WAC: variants seen among roughly 807,000 people sequenced by gnomAD.
The protein encoded by WAC is WW domain-containing adapter protein with coiled-coil.
A neutral mutation model predicts 79.6 loss-of-function variants in WAC; 11 were observed. That is an observed-to-expected ratio of 0.14 (90% confidence interval 0.09 to 0.23). The LOEUF is 0.23. WAC is among the 10% of genes least tolerant of loss of function. WAC has a pLI of 1.00. For synonymous variants in WAC, 304 were observed against 276.9 expected (o/e 1.10, Z -0.97); for missense variants, 728 against 773.5 (o/e 0.94, Z 0.70).
chr10:28,579,540 T>A (rs145495652), intron 3 of WAC, among the ~76,000 whole-genome samples: 1 of 152,266 alleles, frequency 6.6e-6, no homozygotes, highest in Non-Finnish European at 1.5e-5. Flanking sequence ...ATAAAAGAAA[T>A]CTAAAACTTG....
intron 11 of WAC, 131 bp from the exon 12 acceptor site, chr10:28,616,042 T>C: frequency 1.4e-6 from 1 of 730,598 alleles, no homozygotes; most frequent in Non-Finnish European, 2.1e-6. Flanking sequence ...TTATTTGACA[T>C]TAAAATAACA....
At chr10:28,603,766 C>T (rs987846177) in intron 7 of WAC, among the ~76,000 whole-genome samples, 2 of 151,050 alleles carry the variant, frequency 1.3e-5, no homozygotes, top group Non-Finnish European at 2.9e-5. Flanking sequence ...AACCCCATCT[C>T]TACTAAAAAT....
chr10:28,589,613 C>T, intron 4 of WAC, 123 bp from the exon 5 acceptor site: 4 of 531,806 alleles, frequency 7.5e-6, no homozygotes, highest in Non-Finnish European at 1.3e-5. Flanking sequence ...CAGATAATTG[C>T]ATTCTAGTTC....
chr10:28,617,980 A>G, intron 13 of WAC, 196 bp downstream of exon 13: 2 of 495,242 alleles, frequency 4.0e-6, no homozygotes, highest in Non-Finnish European at 3.2e-6. Context: ...TTAACCCATG[A>G]TGAATGCTTC....
intron 3 of WAC, among the ~76,000 whole-genome samples, chr10:28,560,234 G>T (rs1409122571): frequency 6.6e-6 from 1 of 152,092 alleles, no homozygotes; most frequent in East Asian, 1.9e-4. Context: ...GGCACCTGTA[G>T]TACCAGCTGC....
At position 28,586,679 on chromosome 10, in the gene WAC, C is replaced by A. The variant is rs1839835430; in HGVS notation, c.382-3057C>A. 2.0e-5 allele frequency among the ~76,000 whole-genome samples: 3 copies of A among 151,670 alleles called. No homozygotes were observed. The South Asian group carries it at 6.2e-4, about 32-fold the overall frequency. On this transcript the variant is annotated intron_variant, in intron 4 of 13. Transcript: ENST00000354911. ...CCTCCAGCCTGGCCGACAGCAAGAC[C>A]CTGTTTCAAAAATAATAATAATAAA...
chr10:28,533,661 G>A (rs1205988419), intron 1 of WAC, 41 bp downstream of exon 1: 10 of 1,538,312 alleles, frequency 6.5e-6, no homozygotes, highest in African/African-American at 4.2e-5. Flanking sequence ...GCGGCGGGGG[G>A]CGGCGGCGGG....
At chr10:28,543,226 A>G (rs1225416266) in intron 3 of WAC, among the ~76,000 whole-genome samples, 1 of 152,226 alleles carries the variant, frequency 6.6e-6, no homozygotes. Context: ...CTATAGCAGC[A>G]CCGTCCAGTG....
At chr10:28,585,041 C>T (rs976106699) in intron 4 of WAC, among the ~76,000 whole-genome samples, 5 of 152,170 alleles carry the variant, frequency 3.3e-5, no homozygotes, top group Non-Finnish European at 7.4e-5. Flanking sequence ...GCATTCCAGC[C>T]TGGGTGACAG....
chr10:28,619,960 TAAAA>T lies in WAC; in HGVS notation c.*370_*373del, dbSNP rs35294532. On this transcript the variant is annotated 3_prime_UTR_variant, in exon 14 of 14. Coordinates refer to ENST00000354911, the MANE Select transcript of WAC (RefSeq NM_016628.5). ...AACCTGTCTGCAAAATTAGCTTTTT[TAAAA>T]AAAAAAAAAAAAAAATTGGGGGGGT... The T allele has an allele frequency of 3.5e-5, 5 of 142,108 alleles. No homozygotes were observed. Among genetic ancestry groups the T allele is most frequent in the Non-Finnish European group, 6.1e-5 (4 of 65,126 alleles). 8.8% of individuals were successfully genotyped at this position (142,108 alleles called of 1,614,324 possible). A position where few individuals can be genotyped will look rare whatever the true frequency, so the allele number is the denominator to read the frequency against.
At chr10:28,562,631 A>G (rs1838363675) in intron 3 of WAC, among the ~76,000 whole-genome samples, 1 of 152,228 alleles carries the variant, frequency 6.6e-6, no homozygotes, top group African/African-American at 2.4e-5. Context: ...GAGATAAGAA[A>G]GGTAGTAAAC....
chr10:28,549,025 A>G (rs532626498), intron 3 of WAC, among the ~76,000 whole-genome samples: 19 of 152,250 alleles, frequency 1.2e-4, no homozygotes, highest in South Asian at 1.2e-3. Flanking sequence ...CAACCTCCCA[A>G]GTAGTTGAGC....
chr10:28,534,067 AGGGGCCGGAG>A, intron 2 of WAC, 33 bp downstream of exon 2: 1 of 1,551,462 alleles, frequency 6.4e-7, no homozygotes, highest in Non-Finnish European at 8.7e-7. Context: ...AGGGATTGGA[AGGGGCCGGAG>A]GGGGAAGGGA....
At chr10:28,588,184 A>C (rs1411797292) in intron 4 of WAC, among the ~76,000 whole-genome samples, 1 of 152,156 alleles carries the variant, frequency 6.6e-6, no homozygotes, top group Non-Finnish European at 1.5e-5. Context: ...TCAGTTGCAT[A>C]ATAATTTATG....
intron 3 of WAC, among the ~76,000 whole-genome samples, chr10:28,554,540 G>A (rs576688891): frequency 1.3e-5 from 2 of 151,872 alleles, no homozygotes; most frequent in Non-Finnish European, 2.9e-5. Flanking sequence ...CAATATCCAC[G>A]AATAGCTCGT....
chr10:28,559,720 G>A (rs931123072), intron 3 of WAC, among the ~76,000 whole-genome samples: 1 of 152,154 alleles, frequency 6.6e-6, no homozygotes, highest in African/African-American at 2.4e-5. Flanking sequence ...ATCATTGTTA[G>A]GTTAATTTAC....
intron 3 of WAC, among the ~76,000 whole-genome samples, chr10:28,536,434 C>T (rs890611453): frequency 6.6e-6 from 1 of 152,050 alleles, no homozygotes; most frequent in Admixed American, 6.5e-5. Flanking sequence ...TTAAGGTGTT[C>T]AAATCTGTTT....
chr10:28,542,821 TC>T (rs1033141947), intron 3 of WAC, among the ~76,000 whole-genome samples: 4 of 152,246 alleles, frequency 2.6e-5, no homozygotes, highest in Admixed American at 6.5e-5. Context: ...TTCTGATAGA[TC>T]AGTAGCCTTC....
At chr10:28,607,788 G>A (rs1841033634) in intron 7 of WAC, among the ~76,000 whole-genome samples, 1 of 152,078 alleles carries the variant, frequency 6.6e-6, no homozygotes, top group South Asian at 2.1e-4. Flanking sequence ...TATTTCATGA[G>A]ATATAAATTA....
Sources: allele counts gnomAD v4.1 joint callset (sites outside exome capture counted in the v4.1 genomes callset), GRCh38; gene constraint gnomAD v4.1.1; transcripts MANE v1.5; gene names NCBI Gene and HGNC (gene_info 2026-07-23, HGNC 2026-07-21).